The following NECAB1 variants were observed in gnomAD, a reference collection of about 807,000 sequenced individuals.
The protein encoded by NECAB1 is N-terminal EF-hand calcium binding protein 1.
NECAB1 carries 29 observed loss-of-function variants against 57.5 expected under a neutral mutation model. That is an observed-to-expected ratio of 0.50 (90% confidence interval 0.38 to 0.69). The LOEUF is 0.69. Ranked by LOEUF, NECAB1 falls within the 30% of genes least tolerant of loss-of-function variation. The probability of loss-of-function intolerance (pLI) is 0.00; values close to 1 mark genes in which losing one functional copy is unlikely to be tolerated. For missense variants in NECAB1, 372 were observed against 413.8 expected (o/e 0.90, Z 0.88); for synonymous variants, 142 against 147.7 (o/e 0.96, Z 0.28).
At chr8:90,952,451 G>C (rs1220868115) in intron 12 of NECAB1, among the ~76,000 whole-genome samples, 1 of 152,060 alleles carries the variant, frequency 6.6e-6, no homozygotes, top group Admixed American at 6.6e-5. Context: ...TGCTCCTGGG[G>C]ATGAGTGGGG....
chr8:90,945,573 C>T (rs2130255983), intron 10 of NECAB1, among the ~76,000 whole-genome samples: 1 of 152,260 alleles, frequency 6.6e-6, no homozygotes, highest in Non-Finnish European at 1.5e-5. Context: ...TGAGGACTGG[C>T]CCTCTTGCCA....
At chr8:90,794,372 T>C (rs1303613171) in intron 1 of NECAB1, among the ~76,000 whole-genome samples, 1 of 152,194 alleles carries the variant, frequency 6.6e-6, no homozygotes, top group East Asian at 1.9e-4. Flanking sequence ...TATCTTCATA[T>C]TATAATACAT....
chr8:90,875,771 G>C (rs972173167), intron 4 of NECAB1, among the ~76,000 whole-genome samples: 1 of 150,902 alleles, frequency 6.6e-6, no homozygotes, highest in Non-Finnish European at 1.5e-5. Flanking sequence ...CCAGCACTTT[G>C]GGAGGCTGAG....
intron 3 of NECAB1, among the ~76,000 whole-genome samples, chr8:90,834,856 T>A (rs1397735063): frequency 6.6e-6 from 1 of 152,160 alleles, no homozygotes; most frequent in East Asian, 1.9e-4. Context: ...TTCTTTTCCT[T>A]TTCTACCCTC....
intron 3 of NECAB1, among the ~76,000 whole-genome samples, 194 bp from the exon 4 acceptor site, chr8:90,871,934 G>A (rs770649823): frequency 5.3e-5 from 8 of 152,070 alleles, no homozygotes; most frequent in Non-Finnish European, 8.8e-5. Flanking sequence ...TTATTTGTCC[G>A]AAGAATCTGA....
At position 90,840,980 on chromosome 8, in the gene NECAB1, G is replaced by A. The variant is rs1222224306; in HGVS notation, c.233+16155G>A. Among the ~76,000 whole-genome samples the A allele has an allele frequency of 2.0e-5, 3 of 150,490 alleles. No homozygotes were observed. The East Asian group carries it at 5.8e-4, about 29-fold the overall frequency. On this transcript the variant is annotated intron_variant, in intron 3 of 12. Transcript: ENST00000417640. ...AAAAAAAAAAAAAGTGACCAAAGCC[G>A]GGCGCAGTGGCTCACGCCTGTAATC...
Position 90,955,506 on chromosome 8 carries a change from C to G in NECAB1, c.1050C>G (p.Asn350Lys). The change falls in exon 13 of 13, where the codon AAC (asparagine) becomes AAG (lysine). Residue 350 changes from asparagine to lysine, a missense_variant. Transcript: ENST00000417640. ...TTTCAGCTTCGTGGTGGATCCTGAA[C>G]AACTAGATGTTCCTAGACATTTTCT... ...MLVPASWWIL[N>K]N 1 of 1,555,358 alleles carries G rather than the reference C, an allele frequency of 6.4e-7. No homozygotes were observed. Among genetic ancestry groups the G allele is most frequent in the Non-Finnish European group, 8.7e-7 (1 of 1,148,024 alleles).
chr8:90,890,405 G>A (rs1323382927), intron 5 of NECAB1, among the ~76,000 whole-genome samples: 1 of 152,160 alleles, frequency 6.6e-6, no homozygotes, highest in Non-Finnish European at 1.5e-5. Context: ...CCCCAGCAAT[G>A]TGGAACTGTG....
chr8:90,923,646 G>C (rs971714067), intron 6 of NECAB1, among the ~76,000 whole-genome samples: 2 of 152,122 alleles, frequency 1.3e-5, no homozygotes, highest in African/African-American at 2.4e-5. Context: ...ATAATCCAGA[G>C]AGCAGACAAA....
intron 4 of NECAB1, 29 bp downstream of exon 4, chr8:90,872,182 C>CTATT: frequency 6.6e-7 from 1 of 1,510,868 alleles, no homozygotes; most frequent in Non-Finnish European, 9.0e-7. Context: ...TCAGTCAAAC[C>CTATT]TATTACTTGC....
At chr8:90,867,726 C>T (rs1015106440) in intron 3 of NECAB1, among the ~76,000 whole-genome samples, 3 of 152,150 alleles carry the variant, frequency 2.0e-5, no homozygotes, top group Admixed American at 6.5e-5. Context: ...AAATGCAAAA[C>T]GTTTAAAAGT....
At chr8:90,897,615 T>C (rs1809388412) in intron 5 of NECAB1, among the ~76,000 whole-genome samples, 1 of 152,246 alleles carries the variant, frequency 6.6e-6, no homozygotes, top group South Asian at 2.1e-4. Context: ...TGTAATACTA[T>C]CTTATGTTTA....
rs1182767368 is a variant in NECAB1, at chr8:90,820,249, TTTG to T, written c.125-4462_125-4460del. 6.0e-5 allele frequency among the ~76,000 whole-genome samples: 8 copies of T among 134,392 alleles called. No homozygotes were observed. The East Asian group carries it at 1.9e-3, about 32-fold the overall frequency. The allele number at this position is 134,392 out of a possible 152,430, so 88.2% of individuals were successfully genotyped here. A position where few individuals can be genotyped will look rare whatever the true frequency, so the allele number is the denominator to read the frequency against. On this transcript the variant is annotated intron_variant, in intron 2 of 12. Coordinates refer to ENST00000417640, the MANE Select transcript of NECAB1 (RefSeq NM_022351.5). Reference sequence around the variant, plus strand: ...CATTGAATTTCAGGTTTTTCAGCTTTTTGTTGTTTTAAGGACAGAAATGACATC... The same window carrying T: ...CATTGAATTTCAGGTTTTTCAGCTTTTTGTTTTAAGGACAGAAATGACATC...
rs1811061331 is a variant in NECAB1, at chr8:90,957,896, T to C, written c.*2384T>C. The C allele has an allele frequency of 6.7e-6, 1 of 150,074 alleles. No homozygotes were observed. The highest frequency in any genetic ancestry group is 2.4e-5 in the African/African-American group (1 of 41,030). The allele number at this position is 150,074 out of a possible 1,614,324, so 9.3% of individuals were successfully genotyped here. ...CACTAAAAGACCAAGATGGGAAACGTAACATGGAATACAAGCTTGAATCTG... is the reference window on the plus strand; with the variant it reads ...CACTAAAAGACCAAGATGGGAAACGCAACATGGAATACAAGCTTGAATCTG... On this transcript the variant is annotated 3_prime_UTR_variant, in exon 13 of 13. Coordinates refer to ENST00000417640, the MANE Select transcript of NECAB1 (RefSeq NM_022351.5).
At chr8:90,867,529 C>A (rs1171385876) in intron 3 of NECAB1, among the ~76,000 whole-genome samples, 2 of 151,514 alleles carry the variant, frequency 1.3e-5, no homozygotes, top group African/African-American at 2.4e-5. Context: ...CCTCAGAATC[C>A]TTTACATCTA....
At position 90,865,796 on chromosome 8, in the gene NECAB1, GC is replaced by G. The variant is rs774731873; in HGVS notation, c.234-6331del. On this transcript the variant is annotated intron_variant, in intron 3 of 12. Coordinates refer to ENST00000417640, the MANE Select transcript of NECAB1 (RefSeq NM_022351.5). Reference sequence around the variant, plus strand: ...GAAACAATTGGCCCCTGCCTATTGGGCTATCAGAATAACATCTGTTCCTGAT... The same window carrying G: ...GAAACAATTGGCCCCTGCCTATTGGGTATCAGAATAACATCTGTTCCTGAT... Among the ~76,000 whole-genome samples, 8 of 152,234 alleles carry G rather than the reference GC, an allele frequency of 5.3e-5. No individual in the cohort carries two copies. In the South Asian group the frequency reaches 8.3e-4, roughly 16 times the overall value.
chr8:90,827,025 TAAG>T (rs1295403000), intron 3 of NECAB1, among the ~76,000 whole-genome samples: 2 of 151,984 alleles, frequency 1.3e-5, no homozygotes, highest in Non-Finnish European at 2.9e-5. Context: ...CTTTTTTTCT[TAAG>T]AAGGGATATC....
At chr8:90,894,474 C>CTT (rs1809274547) in intron 5 of NECAB1, among the ~76,000 whole-genome samples, 1 of 152,188 alleles carries the variant, frequency 6.6e-6, no homozygotes, top group South Asian at 2.1e-4. Flanking sequence ...AGCTCTGCTA[C>CTT]TTGCTAGCAT....
At chr8:90,928,938 T>C (rs1810342524) in intron 8 of NECAB1, among the ~76,000 whole-genome samples, 1 of 152,050 alleles carries the variant, frequency 6.6e-6, no homozygotes, top group African/African-American at 2.4e-5. Context: ...TAAACATCTT[T>C]GATAGGAGAG....
Sources: allele counts gnomAD v4.1 joint callset (sites outside exome capture counted in the v4.1 genomes callset), GRCh38; gene constraint gnomAD v4.1.1; transcripts MANE v1.5; gene names NCBI Gene and HGNC (gene_info 2026-07-23, HGNC 2026-07-21).